The following DMD variants were observed in gnomAD, a reference collection of about 807,000 sequenced individuals.
The protein encoded by DMD is mutant dystrophin.
In DMD, 63 loss-of-function variants were observed where a neutral mutation model predicts 330.1. That is an observed-to-expected ratio of 0.19 (90% CI 0.16 to 0.24). The LOEUF (loss-of-function observed/expected upper bound fraction) is 0.24. Among genes scored for constraint, DMD ranks in the 10% least tolerant of loss-of-function variants. The pLI is 1.00. For missense variants in DMD, 3,344 were observed against 2,684.1 expected (o/e 1.25, Z -5.43); for synonymous variants, 1,223 against 959.8 (o/e 1.27, Z -5.07).
intron 12 of DMD, 28 bp from the exon 13 acceptor site, chrX:32,595,904 T>C (rs1335199441): frequency 1.8e-6 from 2 of 1,139,580 alleles, no homozygotes; most frequent in Non-Finnish European, 2.4e-6. Flanking sequence ...TTAAAGGAAA[T>C]TAAAATGATA....
chrX:31,277,668 G>A (rs1306315946), intron 62 of DMD, among the ~76,000 whole-genome samples: 2 of 111,355 alleles, frequency 1.8e-5, no homozygotes, highest in East Asian at 5.6e-4. Flanking sequence ...GCAATCTTAT[G>A]GGGGCCAAGG....
chrX:33,275,259 A>C (rs2053216621), intron 1 of DMD, among the ~76,000 whole-genome samples: 2 of 111,624 alleles, frequency 1.8e-5, no homozygotes, highest in Middle Eastern at 9.4e-3. Flanking sequence ...TCATAAAATT[A>C]GCAATGAATA....
chrX:31,951,557 C>T (rs189538636), intron 45 of DMD, among the ~76,000 whole-genome samples: 63 of 109,600 alleles, frequency 5.7e-4, no homozygotes, highest in Non-Finnish European at 8.8e-4. Flanking sequence ...AGTGCTTGCT[C>T]TAAAGATTAC....
At chrX:31,132,545 G>A (rs1284594637) in intron 77 of DMD, among the ~76,000 whole-genome samples, 1 of 111,698 alleles carries the variant, frequency 9.0e-6, no homozygotes, top group Non-Finnish European at 1.9e-5. Flanking sequence ...ACTTTCCAGA[G>A]CAGGTAAGCA....
intron 41 of DMD, among the ~76,000 whole-genome samples, chrX:32,333,601 A>G (rs2097691408): frequency 9.0e-6 from 1 of 110,725 alleles, no homozygotes; most frequent in Non-Finnish European, 1.9e-5. Flanking sequence ...TTTCTGCTTC[A>G]GATTTGCTCA....
chrX:31,225,453 C>T (rs2046488032), intron 63 of DMD, among the ~76,000 whole-genome samples: 1 of 112,308 alleles, frequency 8.9e-6, no homozygotes, highest in Non-Finnish European at 1.9e-5. Flanking sequence ...GAAACACTCC[C>T]TGCCTTTAAA....
rs192840388 is a variant in DMD, at chrX:31,183,534, C to G, written c.9808-630G>C. Among the ~76,000 whole-genome samples the G allele has an allele frequency of 2.0e-3, 224 of 111,727 alleles. 1 individual carries two copies. Among genetic ancestry groups the G allele is most frequent in the African/African-American group, 6.9e-3 (213 of 30,744 alleles). ...ATTCTGTCTGCCTCTCTATTTCTCT[C>G]TCTTTCAAAGTCTAAATGTAAGAAA... On this transcript the variant is annotated intron_variant, in intron 67 of 78. Coordinates refer to ENST00000357033, the MANE Select transcript of DMD (RefSeq NM_004006.3).
At chrX:31,571,425 T>C (rs2075816818) in intron 55 of DMD, among the ~76,000 whole-genome samples, 1 of 110,454 alleles carries the variant, frequency 9.1e-6, no homozygotes, top group Non-Finnish European at 1.9e-5. Context: ...AACATTACCA[T>C]GTTCTATTGC....
At chrX:32,188,158 A>G (rs1035104417) in intron 44 of DMD, among the ~76,000 whole-genome samples, 1 of 110,388 alleles carries the variant, frequency 9.1e-6, no homozygotes, top group African/African-American at 3.3e-5. Flanking sequence ...TGACCTTTAT[A>G]GTAAAATGCC....
intron 45 of DMD, among the ~76,000 whole-genome samples, chrX:31,943,933 G>T (rs1351358270): frequency 9.7e-6 from 1 of 103,344 alleles, no homozygotes; most frequent in South Asian, 4.5e-4. Flanking sequence ...GAGAGAAAAG[G>T]GAACATTTTG....
intron 29 of DMD, among the ~76,000 whole-genome samples, chrX:32,427,977 A>G (rs1239751437): frequency 9.0e-6 from 1 of 111,100 alleles, no homozygotes; most frequent in Non-Finnish European, 1.9e-5. Flanking sequence ...AAGATTTTAT[A>G]TTTGTTTTTA....
At chrX:32,682,667 T>G (rs2062519693) in intron 9 of DMD, among the ~76,000 whole-genome samples, 1 of 112,270 alleles carries the variant, frequency 8.9e-6, no homozygotes, top group African/African-American at 3.2e-5. Flanking sequence ...CCTTAGATGT[T>G]TCTGACAACA....
At chrX:33,046,889 T>G (rs1485266925) in intron 1 of DMD, among the ~76,000 whole-genome samples, 4 of 112,261 alleles carry the variant, frequency 3.6e-5, no homozygotes, top group Non-Finnish European at 5.6e-5. Flanking sequence ...ATGCACTTTT[T>G]AAGTTTAATC....
intron 44 of DMD, among the ~76,000 whole-genome samples, chrX:32,005,229 G>A (rs1188725405): frequency 9.0e-6 from 1 of 111,529 alleles, no homozygotes; most frequent in Non-Finnish European, 1.9e-5. Flanking sequence ...CGCTATGAAT[G>A]GGTCTCTTGC....
intron 60 of DMD, among the ~76,000 whole-genome samples, chrX:31,388,475 G>C (rs2060554100): frequency 8.9e-6 from 1 of 111,868 alleles, no homozygotes; most frequent in Non-Finnish European, 1.9e-5. Flanking sequence ...AGTCTTCAGG[G>C]TTTCTTAGGT....
At chrX:33,299,213 A>G (rs2053627174) in intron 1 of DMD, among the ~76,000 whole-genome samples, 1 of 111,486 alleles carries the variant, frequency 9.0e-6, no homozygotes, top group Admixed American at 9.6e-5. Context: ...GAAAACCAAA[A>G]TGAGAGAAAA....
rs1170791488 is a variant in DMD at position 31,132,901 on chromosome X, G to A, written c.11014+1201C>T. Among the ~76,000 whole-genome samples, 3 of 111,136 alleles carry A rather than the reference G, an allele frequency of 2.7e-5. No homozygotes were observed. In the East Asian group the frequency reaches 8.5e-4, roughly 32 times the overall value. ...GTGGAGGTGGGTGGAAGACAGATAAGATTTTTATCTGTTAAAATCATCACT... is the reference window on the plus strand; with the variant it reads ...GTGGAGGTGGGTGGAAGACAGATAAAATTTTTATCTGTTAAAATCATCACT... On this transcript the variant is annotated intron_variant, in intron 77 of 78. Transcript: ENST00000357033.
chrX:32,622,401 T>A (rs1456567691), intron 11 of DMD, among the ~76,000 whole-genome samples: 4 of 112,086 alleles, frequency 3.6e-5, no homozygotes, highest in African/African-American at 1.3e-4. Flanking sequence ...ACTACAGGCC[T>A]TGACTAGATA....
chrX:31,854,030 G>A (rs769301749), intron 48 of DMD, among the ~76,000 whole-genome samples: 4 of 111,773 alleles, frequency 3.6e-5, no homozygotes, highest in African/African-American at 1.3e-4. Context: ...TTCAGAGATT[G>A]CTACGCATAC....
Sources: allele counts gnomAD v4.1 joint callset (sites outside exome capture counted in the v4.1 genomes callset), GRCh38; gene constraint gnomAD v4.1.1; transcripts MANE v1.5; gene names NCBI Gene and HGNC (gene_info 2026-07-23, HGNC 2026-07-21).